The following KATNAL2 variants were observed in gnomAD, a reference collection of about 807,000 sequenced individuals.
KATNAL2 encodes katanin catalytic subunit A1 like 2.
Under a neutral mutation model 76.3 loss-of-function variants are expected in KATNAL2, and 52 were observed. That is an observed-to-expected ratio of 0.68 (90% confidence interval 0.55 to 0.86). The LOEUF is 0.86. KATNAL2 is among the 40% of genes least tolerant of loss of function. The probability of loss-of-function intolerance (pLI) is 0.00; values close to 1 mark genes in which losing one functional copy is unlikely to be tolerated. For missense variants in KATNAL2, 660 were observed against 668.9 expected, an observed-to-expected ratio of 0.99 and a Z score of 0.15; for synonymous variants, 243 against 244.2, an observed-to-expected ratio of 1.00 and a Z score of 0.05.
At chr18:46,940,060 A>T (rs775890313) in intron 1 of KATNAL2, among the ~76,000 whole-genome samples, 2 of 152,212 alleles carry the variant, frequency 1.3e-5, no homozygotes, top group African/African-American at 4.8e-5. Flanking sequence ...ATTATGAGAG[A>T]TTATTACTGT....
At chr18:47,032,675 A>G in intron 3 of KATNAL2, 1 of 394,556 alleles carries the variant, frequency 2.5e-6, no homozygotes, top group Non-Finnish European at 4.5e-6. Context: ...AAAAAAAAAG[A>G]AAGGAAAAAG....
intron 3 of KATNAL2, among the ~76,000 whole-genome samples, chr18:47,031,543 C>A (rs1878859045): frequency 6.6e-6 from 1 of 152,054 alleles, no homozygotes; most frequent in Admixed American, 6.5e-5. Flanking sequence ...AGTACCCTTC[C>A]ACAGTTTGTA....
intron 15 of KATNAL2, among the ~76,000 whole-genome samples, chr18:47,093,696 A>C (rs2147384739): frequency 6.6e-6 from 1 of 151,998 alleles, no homozygotes; most frequent in Admixed American, 6.5e-5. Context: ...TTTTTTGTAG[A>C]GATGGGGTCT....
chr18:46,930,157 G>C (rs2058861751), intron 1 of KATNAL2, among the ~76,000 whole-genome samples: 1 of 152,122 alleles, frequency 6.6e-6, no homozygotes, highest in African/African-American at 2.4e-5. Flanking sequence ...ACTTTTCAAT[G>C]ATCAAATATT....
chr18:46,931,997 G>A (rs914458186), intron 1 of KATNAL2, among the ~76,000 whole-genome samples: 1 of 150,292 alleles, frequency 6.7e-6, no homozygotes, highest in Non-Finnish European at 1.5e-5. Context: ...TGTAACCTCC[G>A]ACTCCTGGGT....
chr18:46,948,426 CTTTT>C (rs11400104), intron 3 of KATNAL2, among the ~76,000 whole-genome samples: 1 of 136,284 alleles, frequency 7.3e-6, no homozygotes. Context: ...TCTTCTTCTT[CTTTT>C]TTTTTTTTTT....
chr18:46,958,651 A>G (rs2059837224), intron 3 of KATNAL2, among the ~76,000 whole-genome samples: 5 of 152,238 alleles, frequency 3.3e-5, no homozygotes. Flanking sequence ...TTTAGTGTTT[A>G]ATACAAATAA....
chr18:47,069,655 C>A, intron 13 of KATNAL2, 55 bp downstream of exon 13: 3 of 1,147,926 alleles, frequency 2.6e-6, no homozygotes, highest in East Asian at 2.4e-5. Flanking sequence ...TACAGTGGTA[C>A]AAAATGATGT....
chr18:46,957,439 A>G (rs2059792156), intron 3 of KATNAL2, among the ~76,000 whole-genome samples: 1 of 150,982 alleles, frequency 6.6e-6, no homozygotes, highest in Non-Finnish European at 1.5e-5. Flanking sequence ...TATTTTTAGT[A>G]GAGACGGTGT....
chr18:46,918,308 G>C (rs1399917441), intron 1 of KATNAL2, among the ~76,000 whole-genome samples: 1 of 152,086 alleles, frequency 6.6e-6, no homozygotes, highest in Admixed American at 6.5e-5. Flanking sequence ...GAATTGGGTG[G>C]AACCCACACA....
intron 3 of KATNAL2, 53 bp downstream of exon 3, chr18:46,946,976 T>C: frequency 8.3e-7 from 1 of 1,205,294 alleles, no homozygotes; most frequent in African/African-American, 1.5e-5. Flanking sequence ...TCTCCTACTG[T>C]TGCTGCGGGA....
chr18:47,031,891 G>C (rs1255024170), intron 3 of KATNAL2, among the ~76,000 whole-genome samples: 1 of 151,816 alleles, frequency 6.6e-6, no homozygotes, highest in African/African-American at 2.4e-5. Context: ...CTTTTTTCCT[G>C]TGTGTGTGTG....
chr18:47,093,042 G>C (rs926159089), intron 15 of KATNAL2, among the ~76,000 whole-genome samples: 7 of 152,168 alleles, frequency 4.6e-5, no homozygotes, highest in Non-Finnish European at 1.0e-4. Flanking sequence ...CTGTTGAGAA[G>C]TCTTATTGAT....
chr18:46,918,926 CTGAGA>C (rs1260526898), intron 1 of KATNAL2, among the ~76,000 whole-genome samples: 1 of 151,698 alleles, frequency 6.6e-6, no homozygotes, highest in Admixed American at 6.6e-5. Flanking sequence ...CTTTTTCTTC[CTGAGA>C]TGTCTCCATG....
At chr18:46,941,958 C>T (rs2059258358) in intron 1 of KATNAL2, among the ~76,000 whole-genome samples, 1 of 152,124 alleles carries the variant, frequency 6.6e-6, no homozygotes, top group African/African-American at 2.4e-5. Context: ...CGTTTCCTAC[C>T]AGCTAGGGTT....
At chr18:47,080,625 T>C (rs9960264) in intron 15 of KATNAL2, among the ~76,000 whole-genome samples, 57,792 of 152,036 alleles carry the variant, frequency 0.38, 11,574 homozygotes, top group Middle Eastern at 0.48. Flanking sequence ...TACAAAGATG[T>C]TGCACCATTT....
chr18:47,094,936 T>C (rs2063164438), intron 15 of KATNAL2, among the ~76,000 whole-genome samples: 2 of 152,148 alleles, frequency 1.3e-5, no homozygotes, highest in Admixed American at 1.3e-4. Flanking sequence ...AAATTGGCAA[T>C]CAAACCCCCT....
intron 3 of KATNAL2, among the ~76,000 whole-genome samples, chr18:47,032,149 G>C (rs564942265): frequency 1.3e-5 from 2 of 152,320 alleles, no homozygotes; most frequent in Admixed American, 1.3e-4. Context: ...AAAAGTTTGG[G>C]AATGATTCTA....
chr18:47,098,975 C>T, intron 15 of KATNAL2: 1 of 334,840 alleles, frequency 3.0e-6, no homozygotes, highest in South Asian at 7.6e-5. Context: ...TGCTCTTTTC[C>T]TTTTCTTCCA....
Sources: allele counts gnomAD v4.1 joint callset (sites outside exome capture counted in the v4.1 genomes callset), GRCh38; gene constraint gnomAD v4.1.1; transcripts MANE v1.5; gene names NCBI Gene and HGNC (gene_info 2026-07-23, HGNC 2026-07-21).